The following WWOX variants were observed in gnomAD, a reference collection of about 807,000 sequenced individuals.
WWOX encodes the protein WW domain-containing oxidoreductase.
Under a neutral mutation model 46.2 loss-of-function variants are expected in WWOX, and 69 were observed. The ratio of observed to expected loss-of-function variants is 1.49; its 90% CI spans 1.23 to 1.82. The LOEUF is 1.82. Among genes scored for constraint, WWOX ranks in the 40% most tolerant of loss-of-function variants. The pLI, the probability that WWOX is intolerant of heterozygous loss-of-function variation, is 0.00. For synonymous variants in WWOX, 359 were observed against 202.6 expected (o/e 1.77, Z -6.56); for missense variants, 919 against 542.6 (o/e 1.69, Z -6.89).
intron 8 of WWOX, among the ~76,000 whole-genome samples, chr16:78,501,786 C>A (rs11648573): frequency 1.3e-5 from 2 of 151,912 alleles, no homozygotes; most frequent in Admixed American, 6.5e-5. Flanking sequence ...ATCCACCCAC[C>A]TCAGCCTCCC....
intron 7 of WWOX, among the ~76,000 whole-genome samples, chr16:78,425,860 G>A (rs1032080869): frequency 6.6e-6 from 1 of 152,074 alleles, no homozygotes; most frequent in Non-Finnish European, 1.5e-5. Context: ...TAACGTGCAA[G>A]GGGCCTATTT....
intron 8 of WWOX, among the ~76,000 whole-genome samples, chr16:78,611,272 C>T (rs537190788): frequency 2.6e-5 from 4 of 152,286 alleles, no homozygotes; most frequent in East Asian, 1.9e-4. Flanking sequence ...TTTAGGCAAG[C>T]GTTGATGACA....
intron 8 of WWOX, among the ~76,000 whole-genome samples, chr16:79,043,322 A>G (rs1566886): frequency 0.037 from 5,615 of 152,264 alleles, 141 homozygotes; most frequent in South Asian, 0.059. Flanking sequence ...AGAAATTAGG[A>G]TTAAAAAAAT....
intron 8 of WWOX, among the ~76,000 whole-genome samples, chr16:79,045,048 A>G (rs1747948236): frequency 6.6e-6 from 1 of 152,232 alleles, no homozygotes; most frequent in Non-Finnish European, 1.5e-5. Flanking sequence ...AGTTCTCTGG[A>G]AAGATCAGCT....
chr16:78,730,702 C>T (rs1379244092), intron 8 of WWOX, among the ~76,000 whole-genome samples: 1 of 150,350 alleles, frequency 6.7e-6, no homozygotes, highest in East Asian at 2.0e-4. Flanking sequence ...TCAAGCGATA[C>T]TCCCTCCTTA....
At chr16:78,556,345 A>T (rs187203355) in intron 8 of WWOX, among the ~76,000 whole-genome samples, 1 of 151,836 alleles carries the variant, frequency 6.6e-6, no homozygotes, top group Non-Finnish European at 1.5e-5. Flanking sequence ...GGCTGTCAGG[A>T]TCTGGTTCAA....
intron 5 of WWOX, among the ~76,000 whole-genome samples, chr16:78,228,527 A>G (rs1742717758): frequency 6.6e-6 from 1 of 152,074 alleles, no homozygotes; most frequent in South Asian, 2.1e-4. Context: ...TTTTTTGTAG[A>G]GACAGGGTTT....
chr16:78,677,403 A>G (rs1325269645), intron 8 of WWOX, among the ~76,000 whole-genome samples: 1 of 152,182 alleles, frequency 6.6e-6, no homozygotes, highest in African/African-American at 2.4e-5. Context: ...TGTTTTTGAA[A>G]ACTTGCAATG....
chr16:78,298,515 G>A (rs1006381097), intron 5 of WWOX, among the ~76,000 whole-genome samples: 2 of 152,106 alleles, frequency 1.3e-5, no homozygotes, highest in East Asian at 3.9e-4. Flanking sequence ...CAGCTAGCTG[G>A]GTGCAGTGGC....
intron 8 of WWOX, among the ~76,000 whole-genome samples, chr16:78,562,229 C>A (rs376145175): frequency 6.6e-6 from 1 of 152,176 alleles, no homozygotes; most frequent in Non-Finnish European, 1.5e-5. Flanking sequence ...GAAATAAGAG[C>A]CTCGCGAGGT....
At chr16:78,829,554 A>AC (rs2051757273) in intron 8 of WWOX, among the ~76,000 whole-genome samples, 1 of 149,270 alleles carries the variant, frequency 6.7e-6, no homozygotes. Flanking sequence ...GACACCTACA[A>AC]TTTTTTTTTT....
intron 8 of WWOX, among the ~76,000 whole-genome samples, chr16:79,190,144 C>A (rs1418826514): frequency 6.6e-6 from 1 of 152,094 alleles, no homozygotes; most frequent in Non-Finnish European, 1.5e-5. Flanking sequence ...TCTGCCTCAG[C>A]CTCCCGAGTA....
chr16:78,843,652 G>GGCT, intron 8 of WWOX, among the ~76,000 whole-genome samples: 2 of 132,670 alleles, frequency 1.5e-5, no homozygotes, highest in East Asian at 2.1e-4. Flanking sequence ...CACTCATCGA[G>GGCT]GAGCAAAATA....
intron 8 of WWOX, among the ~76,000 whole-genome samples, chr16:79,021,846 C>A (rs1330245340): frequency 6.6e-6 from 1 of 152,142 alleles, no homozygotes; most frequent in Non-Finnish European, 1.5e-5. Context: ...ATCACACATA[C>A]ACACAAAAAG....
intron 8 of WWOX, among the ~76,000 whole-genome samples, chr16:78,946,242 G>A (rs2045946000): frequency 6.6e-6 from 1 of 152,140 alleles, no homozygotes; most frequent in African/African-American, 2.4e-5. Flanking sequence ...CCAGGATGGA[G>A]TACAGCAGTG....
intron 8 of WWOX, among the ~76,000 whole-genome samples, chr16:79,034,415 G>T (rs1013568287): frequency 6.6e-6 from 1 of 152,162 alleles, no homozygotes; most frequent in Non-Finnish European, 1.5e-5. Flanking sequence ...TTTCTCCAAG[G>T]TGTATACACT....
intron 8 of WWOX, among the ~76,000 whole-genome samples, chr16:78,699,656 A>G (rs1002222324): frequency 6.6e-5 from 10 of 152,194 alleles, no homozygotes; most frequent in Non-Finnish European, 1.2e-4. Flanking sequence ...CTGTGATTTT[A>G]AAAAGGAGAG....
At chr16:78,867,492 G>A (rs2044029904) in intron 8 of WWOX, among the ~76,000 whole-genome samples, 1 of 151,070 alleles carries the variant, frequency 6.6e-6, no homozygotes, top group East Asian at 1.9e-4. Context: ...TTTTGTGTGT[G>A]TGTGTGTGTG....
chr16:78,147,863 T>A (rs1454323422), intron 4 of WWOX, among the ~76,000 whole-genome samples: 1 of 151,804 alleles, frequency 6.6e-6, no homozygotes, highest in East Asian at 1.9e-4. Flanking sequence ...CATTTCTTAA[T>A]TGACAGGGGT....
Sources: gnomAD v4.1 joint callset for allele counts (sites outside exome capture counted in the v4.1 genomes callset) on GRCh38, gnomAD v4.1.1 for gene constraint, MANE v1.5 for transcripts, NCBI Gene and HGNC (gene_info 2026-07-23, HGNC 2026-07-21) for gene names.